Variants in SBK3 observed in about 807,000 individuals in gnomAD.
The protein encoded by SBK3 is uncharacterized serine/threonine-protein kinase SBK3.
SBK3 carries 16 observed loss-of-function variants against 12.7 expected under a neutral mutation model. That is an observed-to-expected ratio of 1.26 (90% CI 0.86 to 1.92). SBK3 has a LOEUF of 1.92. SBK3 is among the 40% of genes most tolerant of loss of function. SBK3 has a pLI of 0.00. For missense variants in SBK3, 462 were observed against 481.8 expected, an observed-to-expected ratio of 0.96 and a Z score of 0.38; for synonymous variants, 217 against 213.6, an observed-to-expected ratio of 1.02 and a Z score of -0.14.
chr19:55,541,410 G>A lies in SBK3; in HGVS notation c.516C>T (p.Phe172=), dbSNP rs377692065. The A allele has an allele frequency of 5.2e-5, 80 of 1,535,826 alleles. No individual in the cohort carries two copies. Among genetic ancestry groups the A allele is most frequent in the East Asian group, 4.6e-4 (19 of 40,904 alleles). Residue 172 remains phenylalanine, a synonymous_variant, in exon 4 of 4, where the codon TTC becomes TTT. Coordinates refer to ENST00000612221, the MANE Select transcript of SBK3 (RefSeq NM_001199824.2). This position sits in a 1 kb window ranked among gnomAD's most constrained non-coding sequence, Gnocchi z 5.3. ...GGGCCACACGGCTGCAGACCGGGTC[G>A]AAGACCAGCACGTTGTCAGGTTTGA... The part of the protein sequence containing the change: ...ADVKPDNVLV[F]DPVCSRVALG...
In SBK3 at chr19:55,541,402, A is replaced by T. The variant is rs1190545989; in HGVS notation, c.524T>A (p.Val175Asp). The change falls in exon 4 of 4, where the codon GTC (valine) becomes GAC (aspartate). Residue 175 changes from valine to aspartate, a missense_variant. By Grantham distance (152) the Val-to-Asp change is radical. Coordinates refer to ENST00000612221, the MANE Select transcript of SBK3 (RefSeq NM_001199824.2). The surrounding 1 kb of genome is among the most constrained non-coding windows in gnomAD (Gnocchi z 5.3). ...KPDNVLVFDPVCSRVALGDLG... is the reference protein window; with the variant it reads ...KPDNVLVFDPDCSRVALGDLG... Reference sequence around the variant, plus strand: ...GTCTCCCAGGGCCACACGGCTGCAGACCGGGTCGAAGACCAGCACGTTGTC... The same window carrying T: ...GTCTCCCAGGGCCACACGGCTGCAGTCCGGGTCGAAGACCAGCACGTTGTC... 6 of 1,535,834 alleles carry T rather than the reference A, an allele frequency of 3.9e-6. No homozygotes were observed. The highest frequency in any genetic ancestry group is 1.7e-4 in the Middle Eastern group (1 of 5,988).
Position 55,544,799 on chromosome 19 carries a change from C to G in SBK3, c.196G>C (p.Gly66Arg), listed in dbSNP as rs1025183661. 1.3e-6 allele frequency: 2 copies of G among 1,496,304 alleles called. No individual in the cohort carries two copies. The highest frequency in any genetic ancestry group is 2.5e-5 in the South Asian group (2 of 78,988). The allele number at this position is 1,496,304 out of a possible 1,614,324, so 92.7% of individuals were successfully genotyped here. The change falls in exon 2 of 4, where the codon GGT becomes CGT. Residue 66 changes from glycine (G) to arginine (R), a missense_variant and splice_region_variant. Coordinates refer to ENST00000612221, the MANE Select transcript of SBK3 (RefSeq NM_001199824.2). The part of the protein sequence containing the change: ...RVLLAQPHQG[G>R]PAVALKLLRR... ...GCTGCCCTTGGGTGGCTGAACTCAC[C>G]CCCCTGGTGAGGCTGGGCAAGGAGC...
At chr19:55,542,533 G>T (rs1182290579) in intron 3 of SBK3, among the ~76,000 whole-genome samples, 1 of 81,548 alleles carries the variant, frequency 1.2e-5, no homozygotes, top group East Asian at 4.2e-4. Flanking sequence ...CCACCCATCC[G>T]CCCACCAATC....
In SBK3 at chr19:55,540,701, C is replaced by A. The variant is rs151028871; in HGVS notation, c.*145G>T. ...GGTCCTCAGTTGGAAGAGGAATGCG[C>A]GTCCAAGCCCAGCGTTCCGTAGGGA... On this transcript the variant is annotated 3_prime_UTR_variant, in exon 4 of 4. Coordinates refer to ENST00000612221, the MANE Select transcript of SBK3 (RefSeq NM_001199824.2). 9.4e-6 allele frequency: 7 copies of A among 743,612 alleles called. No homozygotes were observed. In the African/African-American group the frequency reaches 1.2e-4, roughly 13 times the overall value. The allele number at this position is 743,612 out of a possible 1,614,324, so 46.1% of individuals were successfully genotyped here.
rs1180397134 is a variant in SBK3, at chr19:55,541,329, C to T, written c.597G>A (p.Val199=). ...PEGSPTPAPP[V]PLPTAPPELC... ...GCTCAGGCGGTGCCGTGGGCAGAGG[C>T]ACTGGTGGGGCGGGGGTCGGGCTGC... Residue 199 remains valine, a synonymous_variant, in exon 4 of 4, where the codon GTG becomes GTA. Coordinates refer to ENST00000612221, the MANE Select transcript of SBK3 (RefSeq NM_001199824.2). This position sits in a 1 kb window ranked among gnomAD's most constrained non-coding sequence, Gnocchi z 5.3. 1 of 1,535,106 alleles carries T rather than the reference C, an allele frequency of 6.5e-7. No homozygotes were observed. The highest frequency in any genetic ancestry group is 1.4e-5 in the African/African-American group (1 of 73,162).
At position 55,541,587 on chromosome 19, in the gene SBK3, C is replaced by G; in HGVS notation, c.400-61G>C. On this transcript the variant is annotated intron_variant, in intron 3 of 3. Transcript: ENST00000612221. This position sits in a 1 kb window ranked among gnomAD's most constrained non-coding sequence, Gnocchi z 5.3. ...CTTGGTTTTGTCTTTTTTATGTTGT[C>G]CAGGCTGGTCTCAAACTCCTGGCCT... 1 of 1,354,204 alleles carries G rather than the reference C, an allele frequency of 7.4e-7. No homozygotes were observed. Among genetic ancestry groups the G allele is most frequent in the Non-Finnish European group, 9.8e-7 (1 of 1,017,270 alleles). The allele number at this position is 1,354,204 out of a possible 1,614,324, so 83.9% of individuals were successfully genotyped here.
At position 55,541,529 on chromosome 19, in the gene SBK3, G is replaced by C; in HGVS notation, c.400-3C>G. 1.3e-6 allele frequency: 2 copies of C among 1,504,952 alleles called. No homozygotes were observed. Among genetic ancestry groups the C allele is most frequent in the Middle Eastern group, 1.7e-4 (1 of 5,836 alleles). 93.2% of individuals were successfully genotyped at this position (1,504,952 alleles called of 1,614,324 possible). On this transcript the variant is annotated splice_polypyrimidine_tract_variant and splice_region_variant and intron_variant, in intron 3 of 3. Coordinates refer to ENST00000612221, the MANE Select transcript of SBK3 (RefSeq NM_001199824.2). This position sits in a 1 kb window ranked among gnomAD's most constrained non-coding sequence, Gnocchi z 5.3. ...TTCACCAGCAGTTCTGGGAGGCCCT[G>C]AGGTCAAGAAGACAGGAGGAGGGTC...
rs533756961 is a variant in SBK3 at position 55,545,163 on chromosome 19, C to A, written c.46-214G>T. The A allele has an allele frequency of 3.5e-6, 2 of 579,202 alleles. No homozygotes were observed. Among genetic ancestry groups the A allele is most frequent in the Non-Finnish European group, 6.1e-6 (2 of 328,230 alleles). 35.9% of individuals were successfully genotyped at this position (579,202 alleles called of 1,614,324 possible). A position where few individuals can be genotyped will look rare whatever the true frequency, so the allele number is the denominator to read the frequency against. ...TTAGGGGTCACTGCCACAGAGGCCCCGCCTGCCCCTGTCTGTGGGAGCAGG... is the reference window on the plus strand; with the variant it reads ...TTAGGGGTCACTGCCACAGAGGCCCAGCCTGCCCCTGTCTGTGGGAGCAGG... On this transcript the variant is annotated intron_variant, in intron 1 of 3. Coordinates refer to ENST00000612221, the MANE Select transcript of SBK3 (RefSeq NM_001199824.2). The surrounding 1 kb of genome is among the most constrained non-coding windows in gnomAD (Gnocchi z 4.4).
In SBK3 at chr19:55,544,963, G is replaced by T; in HGVS notation, c.46-14C>A. 1 of 1,521,208 alleles carries T rather than the reference G, an allele frequency of 6.6e-7. No homozygotes were observed. Among genetic ancestry groups the T allele is most frequent in the Non-Finnish European group, 8.8e-7 (1 of 1,139,836 alleles). 94.2% of individuals were successfully genotyped at this position (1,521,208 alleles called of 1,614,324 possible). ...GGCTGTGTCCTCCTACGGGAGAGGGGCAGGGTGAGGAGGGGGCGCGTCTGG... is the reference window on the plus strand; with the variant it reads ...GGCTGTGTCCTCCTACGGGAGAGGGTCAGGGTGAGGAGGGGGCGCGTCTGG... On this transcript the variant is annotated splice_polypyrimidine_tract_variant and intron_variant, in intron 1 of 3. Transcript: ENST00000612221.
At position 55,544,302 on chromosome 19, in the gene SBK3, C is replaced by T. The variant is rs1160263666; in HGVS notation, c.197G>A (p.Gly66Asp). The T allele has an allele frequency of 1.3e-6, 2 of 1,535,384 alleles. No homozygotes were observed. The highest frequency in any genetic ancestry group is 3.9e-5 in the Admixed American group (2 of 50,948). The change falls in exon 3 of 4, where the codon GGT (glycine) becomes GAT (aspartate). Residue 66 changes from glycine to aspartate, a missense_variant and splice_region_variant. Transcript: ENST00000612221. ...CAGGAGCTTCAGAGCCACAGCTGGA[C>T]CTGCCAGGGAGATGGGTCGGAGGGA... ...RVLLAQPHQG[G>D]PAVALKLLRR...
intron 2 of SBK3, among the ~76,000 whole-genome samples, 183 bp from the exon 3 acceptor site, chr19:55,544,485 G>A (rs143025252): frequency 2.6e-5 from 4 of 152,210 alleles, no homozygotes; most frequent in African/African-American, 4.8e-5. Context: ...CTCGGACTGC[G>A]GCGTGGGCTT....
chr19:55,542,834 A>ATCCATCCATCCGTCCG (rs767697241), intron 3 of SBK3, among the ~76,000 whole-genome samples: 5 of 145,068 alleles, frequency 3.4e-5, no homozygotes, highest in Non-Finnish European at 6.0e-5. Flanking sequence ...CCATCCATCC[A>ATCCATCCATCCGTCCG]TCCGTCCATC....
rs574033226 is a variant in SBK3, at chr19:55,544,817, C to T, written c.178G>A (p.Ala60Thr). The T allele has an allele frequency of 1.2e-5, 18 of 1,521,270 alleles. No homozygotes were observed. Among genetic ancestry groups the T allele is most frequent in the African/African-American group, 9.6e-5 (7 of 72,602 alleles). 94.2% of individuals were successfully genotyped at this position (1,521,270 alleles called of 1,614,324 possible). ...AACTCACCCCCCTGGTGAGGCTGGG[C>T]AAGGAGCACGCGGCCGTAGGAGCCG... The part of the protein sequence containing the change: ...GSGSYGRVLL[A>T]QPHQGGPAVA... Residue 60 changes from alanine (A) to threonine (T), a missense_variant, in exon 2 of 4, where the codon GCC becomes ACC. By Grantham distance (58) the Ala-to-Thr change is moderately conservative (BLOSUM62 0). Coordinates refer to ENST00000612221, the MANE Select transcript of SBK3 (RefSeq NM_001199824.2).
chr19:55,544,799 C>T lies in SBK3; in HGVS notation c.196G>A (p.Gly66Ser), dbSNP rs1025183661. The change falls in exon 2 of 4, where the codon GGT becomes AGT. Residue 66 changes from glycine to serine, a missense_variant and splice_region_variant. Transcript: ENST00000612221. Reference protein sequence around the residue: ...RVLLAQPHQGGPAVALKLLRR... With the variant: ...RVLLAQPHQGSPAVALKLLRR... Reference sequence around the variant, plus strand: ...GCTGCCCTTGGGTGGCTGAACTCACCCCCCTGGTGAGGCTGGGCAAGGAGC... The same window carrying T: ...GCTGCCCTTGGGTGGCTGAACTCACTCCCCTGGTGAGGCTGGGCAAGGAGC... The T allele has an allele frequency of 2.0e-6, 3 of 1,496,304 alleles. No homozygotes were observed. Among genetic ancestry groups the T allele is most frequent in the Non-Finnish European group, 2.7e-6 (3 of 1,127,642 alleles). 92.7% of individuals were successfully genotyped at this position (1,496,304 alleles called of 1,614,324 possible).
intron 2 of SBK3, 99 bp from the exon 3 acceptor site, chr19:55,544,401 T>C (rs749523886): frequency 3.8e-5 from 36 of 941,528 alleles, no homozygotes; most frequent in Non-Finnish European, 5.2e-5. Flanking sequence ...ACACTTCTCA[T>C]GGGCAGCACG....
At position 55,541,918 on chromosome 19, in the gene SBK3, G is replaced by T. The variant is rs1988566189; in HGVS notation, c.400-392C>A. ...CCCACTGGAACCCCAGTTATAACCA[G>T]TAGCTCCTTCTTTTAGCTTCTTTCA... On this transcript the variant is annotated intron_variant, in intron 3 of 3. Coordinates refer to ENST00000612221, the MANE Select transcript of SBK3 (RefSeq NM_001199824.2). This position sits in a 1 kb window ranked among gnomAD's most constrained non-coding sequence, Gnocchi z 5.3. Among the ~76,000 whole-genome samples the T allele has an allele frequency of 6.6e-6, 1 of 152,274 alleles. No individual in the cohort carries two copies. Among genetic ancestry groups the T allele is most frequent in the Admixed American group, 6.5e-5 (1 of 15,298 alleles).
At chr19:55,542,887 T>A in intron 3 of SBK3, among the ~76,000 whole-genome samples, 2 of 134,774 alleles carry the variant, frequency 1.5e-5, no homozygotes, top group African/African-American at 2.9e-5. Flanking sequence ...CACCCACCAA[T>A]CCTTTCATCC....
chr19:55,543,987 G>T, intron 3 of SBK3, 113 bp downstream of exon 3: 1 of 844,956 alleles, frequency 1.2e-6, no homozygotes, highest in Non-Finnish European at 1.7e-6. Flanking sequence ...GCTCAGGGTG[G>T]AGATGGATTG....
Position 55,541,301 on chromosome 19 carries a change from A to G in SBK3, c.625T>C (p.Cys209Arg). The stretch of plus-strand genomic sequence containing the variant: ...AGGGTGTCGGGCGGTAGCAGGAGAC[A>G]GAGCTCAGGCGGTGCCGTGGGCAGA... ...VPLPTAPPEL[C>R]LLLPPDTLPL... Residue 209 changes from cysteine (C) to arginine (R), a missense_variant, in exon 4 of 4, where the codon TGT becomes CGT. Physicochemically the swap from Cys to Arg is radical, Grantham distance 180. Transcript: ENST00000612221. The surrounding 1 kb of genome is among the most constrained non-coding windows in gnomAD (Gnocchi z 5.3). 1 of 1,535,612 alleles carries G rather than the reference A, an allele frequency of 6.5e-7. No homozygotes were observed. The highest frequency in any genetic ancestry group is 8.7e-7 in the Non-Finnish European group (1 of 1,146,712).
Sources: gnomAD v4.1 joint callset for allele counts (sites outside exome capture counted in the v4.1 genomes callset) on GRCh38, gnomAD v4.1.1 for gene constraint, Gnocchi (gnomAD v3.1) non-coding constraint, MANE v1.5 for transcripts, NCBI Gene and HGNC (gene_info 2026-07-23, HGNC 2026-07-21) for gene names.